Variants in TTC12 observed in about 807,000 individuals in gnomAD.
TTC12 encodes the protein tetratricopeptide repeat protein 12.
A neutral mutation model predicts 90.1 loss-of-function variants in TTC12; 70 were observed. That is an observed-to-expected ratio of 0.78 (90% CI 0.64 to 0.95). TTC12 has a LOEUF of 0.95. Ranked by LOEUF, TTC12 falls within the 40% of genes least tolerant of loss-of-function variation. TTC12 has a pLI of 0.00. For synonymous variants in TTC12, 296 were observed against 311.5 expected, an observed-to-expected ratio of 0.95 and a Z score of 0.53; for missense variants, 819 against 846.1, an observed-to-expected ratio of 0.97 and a Z score of 0.40.
chr11:113,343,104 G>C (rs997715516), intron 12 of TTC12, among the ~76,000 whole-genome samples: 1 of 152,228 alleles, frequency 6.6e-6, no homozygotes, highest in East Asian at 1.9e-4. Context: ...TTTTCAGAAG[G>C]GCAAGGGAAT....
chr11:113,319,198 A>T (rs1369466454), intron 2 of TTC12, among the ~76,000 whole-genome samples: 1 of 152,194 alleles, frequency 6.6e-6, no homozygotes, highest in African/African-American at 2.4e-5. Flanking sequence ...CTGTAACTCC[A>T]GTCTAACCGT....
chr11:113,327,658 G>T (rs1414270172), intron 6 of TTC12, among the ~76,000 whole-genome samples: 1 of 152,046 alleles, frequency 6.6e-6, no homozygotes, highest in South Asian at 2.1e-4. Context: ...AAAAGTAAAA[G>T]GCTGTGTAGA....
At position 113,339,455 on chromosome 11, in the gene TTC12, G is replaced by T. The variant is rs1555145324; in HGVS notation, c.807G>T (p.Leu269=). Residue 269 remains leucine (L), a synonymous_variant, in exon 10 of 22, where the codon CTG becomes CTT. Coordinates refer to ENST00000529221, the MANE Select transcript of TTC12 (RefSeq NM_017868.4). ...TCTATGCTGGGGGGATTGAGATCCT[G>T]ACTGAAATGATAAATGAGTGTAAGC... ...PLFYAGGIEI[L]TEMINECTEQ... 1.9e-6 allele frequency: 3 copies of T among 1,610,984 alleles called. No individual in the cohort carries two copies. Among genetic ancestry groups the T allele is most frequent in the Non-Finnish European group, 8.5e-7 (1 of 1,179,142 alleles).
intron 10 of TTC12, 92 bp downstream of exon 10, chr11:113,339,566 T>C: frequency 8.6e-7 from 1 of 1,159,002 alleles, no homozygotes; most frequent in Non-Finnish European, 1.2e-6. Flanking sequence ...AATCCCTCCC[T>C]TCCTTCCACA....
intron 16 of TTC12, among the ~76,000 whole-genome samples, chr11:113,354,963 T>A (rs1166523045): frequency 6.6e-6 from 1 of 152,216 alleles, no homozygotes; most frequent in Non-Finnish European, 1.5e-5. Flanking sequence ...AGGATGATGC[T>A]GGTCTCACAG....
At chr11:113,341,456 T>A (rs1948677158) in intron 11 of TTC12, among the ~76,000 whole-genome samples, 1 of 152,182 alleles carries the variant, frequency 6.6e-6, no homozygotes, top group African/African-American at 2.4e-5. Context: ...ACCTGTATGG[T>A]AGGATGCAGT....
chr11:113,368,531 G>A (rs759135921), downstream of TTC12: 15 of 1,531,042 alleles, frequency 9.8e-6, no homozygotes, highest in Middle Eastern at 1.7e-4. Context: ...GGATGTGGCC[G>A]GGATGGAACT....
chr11:113,323,953 G>A, intron 3 of TTC12, 41 bp from the exon 4 acceptor site: 1 of 1,559,950 alleles, frequency 6.4e-7, no homozygotes, highest in Non-Finnish European at 8.8e-7. Context: ...AGTGGTTTTT[G>A]AAATTTGTTT....
chr11:113,350,143 A>C lies in TTC12; in HGVS notation c.1225A>C (p.Thr409Pro). 2 of 1,613,432 alleles carry C rather than the reference A, an allele frequency of 1.2e-6. No individual in the cohort carries two copies. Among genetic ancestry groups the C allele is most frequent in the Non-Finnish European group, 1.7e-6 (2 of 1,179,382 alleles). ...KEANTAMGLF[T>P]DLALEERFQV... ...GGCCAACACTGCTATGGGACTGTTC[A>C]CAGACTTGGCTCTGGAAGAAAGGTA... Residue 409 changes from threonine (T) to proline (P), a missense_variant, in exon 14 of 22, where the codon ACA becomes CCA. Coordinates refer to ENST00000529221, the MANE Select transcript of TTC12 (RefSeq NM_017868.4).
chr11:113,329,734 C>T (rs1947911249), intron 6 of TTC12, 186 bp from the exon 7 acceptor site: 1 of 663,116 alleles, frequency 1.5e-6, no homozygotes, highest in Non-Finnish European at 2.8e-6. Context: ...TGGAAGAGGT[C>T]CCTGTATTCA....
At chr11:113,352,816 G>A (rs879235059) in intron 16 of TTC12, among the ~76,000 whole-genome samples, 2 of 152,176 alleles carry the variant, frequency 1.3e-5, no homozygotes, top group Non-Finnish European at 2.9e-5. Flanking sequence ...GTATTCCGTG[G>A]TGTATATGTA....
chr11:113,324,342 A>G (rs1298268896), intron 4 of TTC12: 2 of 543,358 alleles, frequency 3.7e-6, no homozygotes, highest in Non-Finnish European at 3.2e-6. Context: ...TCTCTCTTCA[A>G]AGAAAAACTC....
intron 13 of TTC12, among the ~76,000 whole-genome samples, chr11:113,345,085 C>T (rs1289879459): frequency 1.3e-5 from 2 of 152,090 alleles, no homozygotes; most frequent in Admixed American, 1.3e-4. Context: ...TTTTATCTTA[C>T]TAAGTTTTCA....
chr11:113,368,244 T>C (rs1950276808), downstream of TTC12: 3 of 1,517,708 alleles, frequency 2.0e-6, no homozygotes, highest in Non-Finnish European at 2.6e-6. Flanking sequence ...CACCTGAAGC[T>C]CTGTCTCCTC....
At chr11:113,353,242 G>A (rs1020059357) in intron 16 of TTC12, among the ~76,000 whole-genome samples, 5 of 152,052 alleles carry the variant, frequency 3.3e-5, no homozygotes, top group Admixed American at 3.3e-4. Flanking sequence ...TTTTTTTCAT[G>A]TGCTTATTGG....
intron 7 of TTC12, among the ~76,000 whole-genome samples, chr11:113,331,238 C>A (rs1948043824): frequency 6.6e-6 from 1 of 152,176 alleles, no homozygotes; most frequent in Non-Finnish European, 1.5e-5. Context: ...ACGTCAAGCT[C>A]CTCACAGCTC....
intron 12 of TTC12, among the ~76,000 whole-genome samples, chr11:113,342,588 G>A (rs114714328): frequency 1.3e-5 from 2 of 152,118 alleles, no homozygotes; most frequent in Admixed American, 6.6e-5. Flanking sequence ...CTTTTCACAG[G>A]GCTACTGTGG....
At chr11:113,368,247 G>C, downstream of TTC12, 1 of 1,519,232 alleles carries the variant, frequency 6.6e-7, no homozygotes, top group Non-Finnish European at 8.8e-7. Flanking sequence ...CTGAAGCTCT[G>C]TCTCCTCGCA....
chr11:113,341,093 G>A (rs1555145866), intron 11 of TTC12, among the ~76,000 whole-genome samples: 1 of 152,172 alleles, frequency 6.6e-6, no homozygotes, highest in South Asian at 2.1e-4. Flanking sequence ...AGCTGGGCAT[G>A]GTGGCAGGCA....
Sources: allele counts gnomAD v4.1 joint callset (sites outside exome capture counted in the v4.1 genomes callset), GRCh38; gene constraint gnomAD v4.1.1; transcripts MANE v1.5; gene names NCBI Gene and HGNC (gene_info 2026-07-23, HGNC 2026-07-21).